ADAMTS19: variants seen among roughly 807,000 people sequenced by gnomAD.
ADAMTS19 encodes A disintegrin and metalloproteinase with thrombospondin motifs 19.
A neutral mutation model predicts 153.3 loss-of-function variants in ADAMTS19; 93 were observed. The observed-to-expected ratio is 0.61, with a 90% CI of 0.51 to 0.72. The LOEUF is 0.72. Ranked by LOEUF, ADAMTS19 falls within the 30% of genes least tolerant of loss-of-function variation. The pLI, the probability that ADAMTS19 is intolerant of heterozygous loss-of-function variation, is 0.00. For synonymous variants in ADAMTS19, 600 were observed against 556.6 expected, an observed-to-expected ratio of 1.08 and a Z score of -1.10; for missense variants, 1,482 against 1,552.1, an observed-to-expected ratio of 0.95 and a Z score of 0.76.
At chr5:129,606,172 A>C (rs1006519728) in intron 8 of ADAMTS19, among the ~76,000 whole-genome samples, 1 of 152,192 alleles carries the variant, frequency 6.6e-6, no homozygotes, top group African/African-American at 2.4e-5. Flanking sequence ...GAATTGCCAG[A>C]GTACCAAGAA....
intron 7 of ADAMTS19, among the ~76,000 whole-genome samples, chr5:129,590,674 A>G (rs1026982987): frequency 8.5e-5 from 13 of 152,188 alleles, no homozygotes; most frequent in African/African-American, 3.1e-4. Flanking sequence ...ACATTCCTAG[A>G]TCACCTTCTT....
chr5:129,717,554 C>T (rs1348221835), intron 21 of ADAMTS19, among the ~76,000 whole-genome samples: 1 of 152,118 alleles, frequency 6.6e-6, no homozygotes, highest in Non-Finnish European at 1.5e-5. Flanking sequence ...ACTTTAATAA[C>T]AGAATACTTG....
chr5:129,524,848 G>C lies in ADAMTS19; in HGVS notation c.914-1436G>C, dbSNP rs116743465. Among the ~76,000 whole-genome samples the C allele has an allele frequency of 1.7e-3, 261 of 151,888 alleles. 2 individuals carry two copies. The highest frequency in any genetic ancestry group is 6.2e-3 in the African/African-American group (255 of 41,452). On this transcript the variant is annotated intron_variant, in intron 3 of 22. Coordinates refer to ENST00000274487, the MANE Select transcript of ADAMTS19 (RefSeq NM_133638.6). ...CAGGCTCTAATTTCTCCTACCCTAA[G>C]ATATTCACTGAGTTGGTTTTTAAGA... is the stretch of plus-strand genomic sequence containing the variant.
At chr5:129,642,453 T>C (rs1249782389) in intron 11 of ADAMTS19, among the ~76,000 whole-genome samples, 3 of 152,190 alleles carry the variant, frequency 2.0e-5, no homozygotes, top group Admixed American at 2.0e-4. Context: ...TAGTTTAATG[T>C]ACTTCATAAG....
intron 7 of ADAMTS19, among the ~76,000 whole-genome samples, chr5:129,554,307 A>ATG (rs1462026174): frequency 6.6e-6 from 1 of 152,084 alleles, no homozygotes; most frequent in African/African-American, 2.4e-5. Flanking sequence ...CTGCAATGCT[A>ATG]TGTTAGGAAA....
Position 129,735,021 on chromosome 5 carries a change from C to T in ADAMTS19, c.3402C>T (p.Ser1134=). 1.2e-6 allele frequency: 2 copies of T among 1,611,572 alleles called. No individual in the cohort carries two copies. The highest frequency in any genetic ancestry group is 2.2e-5 in the East Asian group (1 of 44,794). ...ITGRHGNECF[S]SEKPAAYRPC... is the part of the protein sequence containing the mutation. ...GAAGACATGGAAATGAATGTTTTTC[C>T]TCAGAAAAACCTGCAGCATACAGGC... The change falls in exon 22 of 23, where the codon TCC becomes TCT. Residue 1134 remains serine, a synonymous_variant. Coordinates refer to ENST00000274487, the MANE Select transcript of ADAMTS19 (RefSeq NM_133638.6).
At chr5:129,539,607 A>G (rs534179835) in intron 6 of ADAMTS19, among the ~76,000 whole-genome samples, 8 of 152,238 alleles carry the variant, frequency 5.3e-5, no homozygotes, top group Non-Finnish European at 1.0e-4. Flanking sequence ...GGGGGAGCTG[A>G]CATACTATAT....
chr5:129,703,120 T>C (rs1755990310), intron 20 of ADAMTS19, among the ~76,000 whole-genome samples: 1 of 150,638 alleles, frequency 6.6e-6, no homozygotes, highest in South Asian at 2.1e-4. Context: ...AGTTCCATGC[T>C]TAAGCTTTCA....
chr5:129,522,332 C>CACACACACATATATAT (rs1309115957), intron 3 of ADAMTS19, among the ~76,000 whole-genome samples: 49 of 58,608 alleles, frequency 8.4e-4, no homozygotes, highest in Non-Finnish European at 1.2e-3. Flanking sequence ...CACACACACA[C>CACACACACATATATAT]ATATATATAT....
chr5:129,478,229 T>A (rs1368934381), intron 2 of ADAMTS19, among the ~76,000 whole-genome samples: 1 of 152,188 alleles, frequency 6.6e-6, no homozygotes, highest in Non-Finnish European at 1.5e-5. Flanking sequence ...TATAGGGTGT[T>A]GCTATGTAAG....
intron 21 of ADAMTS19, among the ~76,000 whole-genome samples, chr5:129,727,486 C>A (rs1757253919): frequency 1.3e-5 from 2 of 152,064 alleles, no homozygotes; most frequent in South Asian, 4.1e-4. Context: ...TCTAACATGG[C>A]AGTATGTGGA....
chr5:129,700,379 C>T lies in ADAMTS19; in HGVS notation c.2955-1009C>T, dbSNP rs538352168. On this transcript the variant is annotated intron_variant, in intron 19 of 22. Transcript: ENST00000274487. The stretch of plus-strand genomic sequence containing the variant: ...CTAGACATTGGCTAGCCTAAAGAAG[C>T]ATGTGTAGCTCCATGTGGGAGGATA... 1.2e-4 allele frequency among the ~76,000 whole-genome samples: 19 copies of T among 152,216 alleles called. No individual in the cohort carries two copies. The South Asian group carries it at 2.7e-3, about 22-fold the overall frequency.
In ADAMTS19 at chr5:129,704,337, A is replaced by C. The variant is rs1476053863; in HGVS notation, c.3258A>C (p.Glu1086Asp). 7 of 1,614,040 alleles carry C rather than the reference A, an allele frequency of 4.3e-6. No homozygotes were observed. Among genetic ancestry groups the C allele is most frequent in the Non-Finnish European group, 5.9e-6 (7 of 1,180,012 alleles). The change falls in exon 21 of 23, where the codon GAA becomes GAC. Residue 1086 changes from glutamate (E) to aspartate (D), a missense_variant. Physicochemically the swap from Glu to Asp is conservative, Grantham distance 45. Coordinates refer to ENST00000274487, the MANE Select transcript of ADAMTS19 (RefSeq NM_133638.6). ...CVLSTRPREA[E>D]DCEDYSKCYV... Reference sequence around the variant, plus strand: ...TCTCTACCAGACCCAGGGAGGCTGAAGACTGTGAGGATTATTCAAAATGCT... The same window carrying C: ...TCTCTACCAGACCCAGGGAGGCTGACGACTGTGAGGATTATTCAAAATGCT...
At chr5:129,618,042 T>C (rs1052326633) in intron 8 of ADAMTS19, among the ~76,000 whole-genome samples, 7 of 152,042 alleles carry the variant, frequency 4.6e-5, no homozygotes. Context: ...CAAGGAAGTA[T>C]ATTTAACAAA....
At chr5:129,492,286 G>A (rs1052863460) in intron 2 of ADAMTS19, among the ~76,000 whole-genome samples, 15 of 152,106 alleles carry the variant, frequency 9.9e-5, no homozygotes, top group East Asian at 7.7e-4. Context: ...AACCATGCAC[G>A]AGAAATCTGA....
chr5:129,510,025 G>T (rs1751388075), intron 3 of ADAMTS19, among the ~76,000 whole-genome samples: 1 of 151,688 alleles, frequency 6.6e-6, no homozygotes, highest in African/African-American at 2.4e-5. Flanking sequence ...TTTTAGACAT[G>T]GAATCCAGAC....
In ADAMTS19 at chr5:129,735,159, T is replaced by C. The variant is rs141299071; in HGVS notation, c.3490+50T>C. 976 of 1,457,854 alleles carry C rather than the reference T, an allele frequency of 6.7e-4. 7 individuals are homozygous for C. In the African/African-American group the frequency reaches 0.013, roughly 19 times the overall value. 90.3% of individuals were successfully genotyped at this position (1,457,854 alleles called of 1,614,324 possible). ...CTTTTGAAAAACATAGAAATGCTTATGGCTTCTTGTATTTTGTATATTACT... is the reference window on the plus strand; with the variant it reads ...CTTTTGAAAAACATAGAAATGCTTACGGCTTCTTGTATTTTGTATATTACT... On this transcript the variant is annotated intron_variant, in intron 22 of 22. Transcript: ENST00000274487.
chr5:129,671,793 C>G (rs546715688), intron 16 of ADAMTS19, among the ~76,000 whole-genome samples: 2 of 152,152 alleles, frequency 1.3e-5, no homozygotes, highest in Non-Finnish European at 2.9e-5. Flanking sequence ...TATGTTATAT[C>G]TTTGCAAAAT....
At chr5:129,513,136 C>T (rs1258167891) in intron 3 of ADAMTS19, among the ~76,000 whole-genome samples, 3 of 151,706 alleles carry the variant, frequency 2.0e-5, no homozygotes, top group Non-Finnish European at 4.4e-5. Flanking sequence ...TTCCAATATC[C>T]TCGACTATTT....
Sources: gnomAD v4.1 joint callset for allele counts (sites outside exome capture counted in the v4.1 genomes callset) on GRCh38, gnomAD v4.1.1 for gene constraint, MANE v1.5 for transcripts, NCBI Gene and HGNC (gene_info 2026-07-23, HGNC 2026-07-21) for gene names.